CCDC171: variants seen among roughly 807,000 people sequenced by gnomAD.
CCDC171 encodes the protein coiled-coil domain containing 171.
A neutral mutation model predicts 168.2 loss-of-function variants in CCDC171; 177 were observed. The observed-to-expected ratio is 1.05, with a 90% confidence interval of 0.93 to 1.19. The LOEUF is 1.19. CCDC171 is among the 50% of genes most tolerant of loss of function. The probability of loss-of-function intolerance (pLI) is 0.00; values close to 1 mark genes in which losing one functional copy is unlikely to be tolerated. For missense variants in CCDC171, 1,991 were observed against 1,539.0 expected (o/e 1.29, Z -4.91); for synonymous variants, 687 against 540.8 (o/e 1.27, Z -3.75).
At chr9:15,681,925 C>A (rs973521170) in intron 10 of CCDC171, among the ~76,000 whole-genome samples, 2 of 151,982 alleles carry the variant, frequency 1.3e-5, no homozygotes, top group Non-Finnish European at 2.9e-5. Flanking sequence ...GTCTTTTCCA[C>A]AATTATATTT....
At chr9:15,703,047 G>A (rs2051893879) in intron 11 of CCDC171, among the ~76,000 whole-genome samples, 1 of 152,084 alleles carries the variant, frequency 6.6e-6, no homozygotes, top group Non-Finnish European at 1.5e-5. Context: ...TGGACTACAG[G>A]TGTGTGCCAC....
rs2132941367 is a variant in CCDC171, at chr9:15,999,010, A to G, written n.369-21579A>G. Reference sequence around the variant, plus strand: ...CACTCTATTTCAACATGAGTGCTAAATGTAACCTCTATCATTCAGAGAGAC... The same window carrying G: ...CACTCTATTTCAACATGAGTGCTAAGTGTAACCTCTATCATTCAGAGAGAC... On this transcript the variant is annotated intron_variant and non_coding_transcript_variant, in intron 3 of 9. Transcript: ENST00000486641. Among the ~76,000 whole-genome samples the G allele has an allele frequency of 2.6e-5, 4 of 152,238 alleles. No individual in the cohort carries two copies. In the South Asian group the frequency reaches 8.3e-4, roughly 32 times the overall value.
intron 8 of CCDC171, among the ~76,000 whole-genome samples, chr9:15,659,126 C>T (rs1313097008): frequency 6.6e-6 from 1 of 152,126 alleles, no homozygotes; most frequent in Non-Finnish European, 1.5e-5. Context: ...TCATAGTGCC[C>T]TTTGAGGATA....
intron 10 of CCDC171, among the ~76,000 whole-genome samples, chr9:15,690,411 T>C (rs1031292918): frequency 1.3e-5 from 2 of 152,198 alleles, no homozygotes; most frequent in Admixed American, 6.5e-5. Flanking sequence ...TATATGATAA[T>C]GTTTGTATGC....
chr9:15,708,584 A>G (rs993664659), intron 11 of CCDC171, among the ~76,000 whole-genome samples: 6 of 152,178 alleles, frequency 3.9e-5, no homozygotes, highest in Non-Finnish European at 7.3e-5. Context: ...ATCTCCGTGT[A>G]ACTCCCAGAA....
chr9:15,629,769 G>A (rs1327991540), intron 7 of CCDC171, among the ~76,000 whole-genome samples: 1 of 152,194 alleles, frequency 6.6e-6, no homozygotes, highest in Non-Finnish European at 1.5e-5. Flanking sequence ...GTTAAGGGCA[G>A]CCAGAGAGAA....
At chr9:15,951,595 G>C (rs1443440515) in intron 25 of CCDC171, among the ~76,000 whole-genome samples, 1 of 151,808 alleles carries the variant, frequency 6.6e-6, no homozygotes, top group African/African-American at 2.4e-5. Context: ...TCTCATTGTA[G>C]GTTTGATTTG....
At chr9:15,780,918 A>G (rs1392493739) in intron 20 of CCDC171, among the ~76,000 whole-genome samples, 1 of 152,126 alleles carries the variant, frequency 6.6e-6, no homozygotes, top group African/African-American at 2.4e-5. Flanking sequence ...TATACTTTTA[A>G]AAACGAATTC....
intron 10 of CCDC171, among the ~76,000 whole-genome samples, chr9:15,687,427 T>TA (rs56774944): frequency 7.4e-5 from 11 of 148,416 alleles, no homozygotes; most frequent in African/African-American, 2.7e-4. Context: ...CCCCGTCTCT[T>TA]AAAAAAAAAA....
chr9:15,907,019 A>G (rs987806945), intron 24 of CCDC171, among the ~76,000 whole-genome samples: 12 of 152,186 alleles, frequency 7.9e-5, no homozygotes, highest in Non-Finnish European at 1.2e-4. Context: ...ATACAAGCAA[A>G]TGGAAGAACA....
chr9:16,020,048 T>C (rs925152525), intron 3 of CCDC171, among the ~76,000 whole-genome samples: 1 of 152,224 alleles, frequency 6.6e-6, no homozygotes, highest in Non-Finnish European at 1.5e-5. Flanking sequence ...CCTTGAGTAG[T>C]ACTGACCTCT....
At chr9:15,564,174 G>T (rs1365677136) in intron 2 of CCDC171, 45 bp downstream of exon 2, 2 of 1,448,318 alleles carry the variant, frequency 1.4e-6, no homozygotes, top group African/African-American at 1.4e-5. Flanking sequence ...GTTTTTAGTT[G>T]CAAGGAACAG....
At position 16,031,652 on chromosome 9, in the gene CCDC171, G is replaced by C. The variant is rs532003253; in HGVS notation, n.999-3805G>C. ...TAATCACAGGTGTGAATTCCTTATG[G>C]GCCCCCTGAGGACAGCCCAGAGAAT... is the stretch of plus-strand genomic sequence containing the variant. On this transcript the variant is annotated intron_variant and non_coding_transcript_variant, in intron 6 of 9. Coordinates refer to the CCDC171 transcript ENST00000486641. 6.6e-5 allele frequency among the ~76,000 whole-genome samples: 10 copies of C among 152,260 alleles called. No individual in the cohort carries two copies. In the South Asian group the frequency reaches 1.7e-3, roughly 25 times the overall value.
At chr9:15,767,218 C>T (rs576380843) in intron 18 of CCDC171, among the ~76,000 whole-genome samples, 7 of 152,216 alleles carry the variant, frequency 4.6e-5, no homozygotes, top group African/African-American at 1.7e-4. Flanking sequence ...TGAAATAGGT[C>T]TTATTGGGCC....
chr9:16,093,061 G>A, the CCDC171 span, among the ~76,000 whole-genome samples: 3 of 152,158 alleles, frequency 2.0e-5, no homozygotes, highest in Non-Finnish European at 2.9e-5. Context: ...AGCTATGAAC[G>A]GTTTCATTTT....
chr9:16,028,130 G>T (rs1291473867), intron 6 of CCDC171, among the ~76,000 whole-genome samples: 1 of 152,200 alleles, frequency 6.6e-6, no homozygotes, highest in African/African-American at 2.4e-5. Flanking sequence ...ATGGCCATGA[G>T]TCTTGGTCTG....
chr9:15,557,291 G>C (rs1459827607), intron 1 of CCDC171, among the ~76,000 whole-genome samples: 1 of 152,148 alleles, frequency 6.6e-6, no homozygotes, highest in Non-Finnish European at 1.5e-5. Flanking sequence ...GTCATTGGTA[G>C]CTTGATGGGG....
At chr9:16,002,345 A>G (rs898311044) in intron 3 of CCDC171, among the ~76,000 whole-genome samples, 1 of 151,980 alleles carries the variant, frequency 6.6e-6, no homozygotes, top group Non-Finnish European at 1.5e-5. Context: ...GATGATCTTC[A>G]CCCTGTGTGG....
At chr9:15,862,943 T>C (rs533282416) in intron 23 of CCDC171, among the ~76,000 whole-genome samples, 3 of 152,102 alleles carry the variant, frequency 2.0e-5, no homozygotes, top group East Asian at 3.9e-4. Context: ...CCTCCCAAGG[T>C]AGAGGCTGAG....
Sources: allele counts gnomAD v4.1 joint callset (sites outside exome capture counted in the v4.1 genomes callset), GRCh38; gene constraint gnomAD v4.1.1; transcripts MANE v1.5; gene names NCBI Gene and HGNC (gene_info 2026-07-23, HGNC 2026-07-21).